Variants in CDCA7L observed in about 807,000 individuals in gnomAD.
The protein encoded by CDCA7L is cell division cycle associated 7 like, also known as cell division cycle-associated 7-like protein.
In CDCA7L, 44 loss-of-function variants were observed where a neutral mutation model predicts 57.4. That is an observed-to-expected ratio of 0.77 (90% confidence interval 0.60 to 0.98). The LOEUF (loss-of-function observed/expected upper bound fraction) is 0.98. Ranked by LOEUF, CDCA7L falls within the 50% of genes least tolerant of loss-of-function variation. CDCA7L has a pLI of 0.00. For synonymous variants in CDCA7L, 236 were observed against 202.8 expected (o/e 1.16, Z -1.39); for missense variants, 644 against 580.6 (o/e 1.11, Z -1.12).
At chr7:21,914,513 T>C (rs1785424198) in intron 2 of CDCA7L, among the ~76,000 whole-genome samples, 1 of 152,028 alleles carries the variant, frequency 6.6e-6, no homozygotes, top group Non-Finnish European at 1.5e-5. Flanking sequence ...TGAGCCACGG[T>C]AGAGGCTAGA....
intron 2 of CDCA7L, among the ~76,000 whole-genome samples, chr7:21,915,658 A>AAACAC (rs1554296504): frequency 6.8e-5 from 5 of 73,506 alleles, no homozygotes; most frequent in South Asian, 1.1e-3. Context: ...AAAAAAAAAA[A>AAACAC]ACACACACAC....
At chr7:21,912,325 A>G (rs1309405271) in intron 2 of CDCA7L, among the ~76,000 whole-genome samples, 4 of 152,176 alleles carry the variant, frequency 2.6e-5, no homozygotes. Flanking sequence ...CGTATATATT[A>G]CATATATACA....
rs1784892003 is a variant in CDCA7L, at chr7:21,901,925, AAGGCACACTTGGCCTGG to A, written c.*380_*396del. Reference sequence around the variant, plus strand: ...CTATTAAACTGTGGTCACTCGTGCTAAGGCACACTTGGCCTGGAGTGAGTTACTGTTTGGGAAGCCAA... The same window carrying A: ...CTATTAAACTGTGGTCACTCGTGCTAAGTGAGTTACTGTTTGGGAAGCCAA... On this transcript the variant is annotated 3_prime_UTR_variant, in exon 10 of 10. Transcript: ENST00000406877. 4.2e-6 allele frequency: 1 copy of A among 237,102 alleles called. No homozygotes were observed. Among genetic ancestry groups the A allele is most frequent in the African/African-American group, 2.3e-5 (1 of 44,132 alleles). The allele number at this position is 237,102 out of a possible 1,614,324, so 14.7% of individuals were successfully genotyped here.
At chr7:21,937,442 C>A (rs568016186) in intron 1 of CDCA7L, among the ~76,000 whole-genome samples, 1 of 152,150 alleles carries the variant, frequency 6.6e-6, no homozygotes, top group African/African-American at 2.4e-5. Flanking sequence ...TCAGACCACC[C>A]TGGGCAACAT....
At position 21,901,097 on chromosome 7, in the gene CDCA7L, C is replaced by A. The variant is rs1247656332; in HGVS notation, c.*1225G>T. 4 of 1,613,624 alleles carry A rather than the reference C, an allele frequency of 2.5e-6. No individual in the cohort carries two copies. The highest frequency in any genetic ancestry group is 3.4e-6 in the Non-Finnish European group (4 of 1,179,610). Reference sequence around the variant, plus strand: ...ATGCCGGTCATCTTTGCAAAAGCCACCCCCGTGGACAGACAAGAAACCAAA... The same window carrying A: ...ATGCCGGTCATCTTTGCAAAAGCCAACCCCGTGGACAGACAAGAAACCAAA... On this transcript the variant is annotated 3_prime_UTR_variant, in exon 10 of 10. Transcript: ENST00000406877.
In CDCA7L at chr7:21,903,180, G is replaced by C. The variant is rs143844532; in HGVS notation, c.1198-66C>G. 3.4e-4 allele frequency: 510 copies of C among 1,521,712 alleles called. No homozygotes were observed. In the African/African-American group the frequency reaches 5.8e-3, roughly 17 times the overall value. The allele number at this position is 1,521,712 out of a possible 1,614,324, so 94.3% of individuals were successfully genotyped here. A position where few individuals can be genotyped will look rare whatever the true frequency, so the allele number is the denominator to read the frequency against. ...CAGGGTCTGGCAAGAACTGGGATTC[G>C]GATCCAGAATGGCTCAGCTGGCCTC... is the stretch of plus-strand genomic sequence containing the variant. On this transcript the variant is annotated intron_variant, in intron 8 of 9. Coordinates refer to ENST00000406877, the MANE Select transcript of CDCA7L (RefSeq NM_018719.5).
chr7:21,902,197 G>GTAAT lies in CDCA7L; in HGVS notation c.*121_*124dup, dbSNP rs1047126361. The stretch of plus-strand genomic sequence containing the variant: ...TATAAACAATCTTTAACAAAAAATA[G>GTAAT]TAATTTCTACAAAGAATTTCTGTAT... On this transcript the variant is annotated 3_prime_UTR_variant, in exon 10 of 10. Transcript: ENST00000406877. 2.1e-6 allele frequency: 2 copies of GTAAT among 943,030 alleles called. No homozygotes were observed. Among genetic ancestry groups the GTAAT allele is most frequent in the Non-Finnish European group, 3.4e-6 (2 of 586,562 alleles). 58.4% of individuals were successfully genotyped at this position (943,030 alleles called of 1,614,324 possible).
At chr7:21,929,019 T>C (rs752243540) in intron 1 of CDCA7L, among the ~76,000 whole-genome samples, 12 of 151,608 alleles carry the variant, frequency 7.9e-5, no homozygotes, top group Non-Finnish European at 1.8e-4. Context: ...TTCAGCAAGA[T>C]TGAAATGAAG....
At chr7:21,928,762 GT>G (rs1785904019) in intron 1 of CDCA7L, among the ~76,000 whole-genome samples, 1 of 151,762 alleles carries the variant, frequency 6.6e-6, no homozygotes, top group African/African-American at 2.4e-5. Context: ...GAAAAAAAGA[GT>G]GAAAAAGGAA....
At chr7:21,945,208 T>C (rs1786481733) in intron 1 of CDCA7L, among the ~76,000 whole-genome samples, 1 of 152,186 alleles carries the variant, frequency 6.6e-6, no homozygotes, top group African/African-American at 2.4e-5. Flanking sequence ...ATTTGGGATC[T>C]TGCAGCTTGT....
chr7:21,942,677 G>C (rs1786376822), intron 1 of CDCA7L, among the ~76,000 whole-genome samples: 1 of 151,938 alleles, frequency 6.6e-6, no homozygotes, highest in African/African-American at 2.4e-5. Context: ...TTGTTTCCTG[G>C]CCTGTGTACC....
intron 3 of CDCA7L, among the ~76,000 whole-genome samples, chr7:21,911,061 G>GC (rs1785309791): frequency 9.2e-6 from 1 of 108,986 alleles, no homozygotes; most frequent in South Asian, 3.1e-4. Context: ...ATGGAGTCTC[G>GC]CTCTGTCACC....
chr7:21,905,365 G>A (rs1785106678), intron 7 of CDCA7L, 141 bp downstream of exon 7: 3 of 878,690 alleles, frequency 3.4e-6, no homozygotes, highest in South Asian at 1.7e-5. Flanking sequence ...AGGTACAGCT[G>A]ACTTTTGACC....
Position 21,901,357 on chromosome 7 carries a change from C to T in CDCA7L, c.*965G>A, listed in dbSNP as rs900239318. ...ACATTATTCTAACTTTTTAGTAACT[C>T]ACACGTGCATTCTTTTTTCAACGCT... is the stretch of plus-strand genomic sequence containing the variant. On this transcript the variant is annotated 3_prime_UTR_variant, in exon 10 of 10. Transcript: ENST00000406877. 2 of 1,387,574 alleles carry T rather than the reference C, an allele frequency of 1.4e-6. No homozygotes were observed. The highest frequency in any genetic ancestry group is 1.9e-6 in the Non-Finnish European group (2 of 1,059,252). 86.0% of individuals were successfully genotyped at this position (1,387,574 alleles called of 1,614,324 possible). A position where few individuals can be genotyped will look rare whatever the true frequency, so the allele number is the denominator to read the frequency against.
rs369531494 is a variant in CDCA7L, at chr7:21,906,309, G to C, written c.901C>G (p.Arg301Gly). Residue 301 changes from arginine to glycine, a missense_variant, in exon 6 of 10, where the codon CGA (arginine) becomes GGA (glycine). Physicochemically the swap from Arg to Gly is moderately radical, Grantham distance 125 (BLOSUM62 -2). Coordinates refer to ENST00000406877, the MANE Select transcript of CDCA7L (RefSeq NM_018719.5). ...AKFAEEFYSF[R>G]RRKTIGGKCR... ...AATACCCCAATTGTCTTCCTTCTTC[G>C]GAAGCTGTAAAACTCTTCCGCAAAT... The C allele has an allele frequency of 2.5e-6, 4 of 1,596,804 alleles. No individual in the cohort carries two copies. Among genetic ancestry groups the C allele is most frequent in the Non-Finnish European group, 3.4e-6 (4 of 1,173,292 alleles).
At chr7:21,945,363 A>T (rs1406294087) in intron 1 of CDCA7L, among the ~76,000 whole-genome samples, 1 of 148,568 alleles carries the variant, frequency 6.7e-6, no homozygotes, top group African/African-American at 2.5e-5. Context: ...TCGACTGTTA[A>T]AAAAAAAAAA....
chr7:21,918,506 C>T (rs1785557869), intron 1 of CDCA7L, among the ~76,000 whole-genome samples: 1 of 152,230 alleles, frequency 6.6e-6, no homozygotes, highest in African/African-American at 2.4e-5. Context: ...AATCCCTTCT[C>T]ATCACTCCTT....
chr7:21,924,593 A>C lies in CDCA7L; in HGVS notation c.25-7699T>G, dbSNP rs78492300. 7.2e-5 allele frequency among the ~76,000 whole-genome samples: 11 copies of C among 152,362 alleles called. No individual in the cohort carries two copies. In the East Asian group the frequency reaches 1.9e-3, roughly 27 times the overall value. ...GAAAAGTACATACCATGCACCAACC[A>C]CAAGAACTAACTCAAAATGGATCAC... On this transcript the variant is annotated intron_variant, in intron 1 of 9. Coordinates refer to ENST00000406877, the MANE Select transcript of CDCA7L (RefSeq NM_018719.5).
chr7:21,944,707 C>G (rs1786458334), intron 1 of CDCA7L: 1 of 152,108 alleles, frequency 6.6e-6, no homozygotes, highest in Non-Finnish European at 1.5e-5. Flanking sequence ...CCGCCAGACT[C>G]GGGCAGGTGA....
Sources: allele counts gnomAD v4.1 joint callset (sites outside exome capture counted in the v4.1 genomes callset), GRCh38; gene constraint gnomAD v4.1.1; transcripts MANE v1.5; gene names NCBI Gene and HGNC (gene_info 2026-07-23, HGNC 2026-07-21).